The following KNL1 variants were observed in gnomAD, a reference collection of about 807,000 sequenced individuals.
KNL1 encodes the protein outer kinetochore KNL1 complex subunit KNL1.
KNL1 carries 66 observed loss-of-function variants against 201.3 expected under a neutral mutation model. The ratio of observed to expected loss-of-function variants is 0.33; its 90% CI spans 0.27 to 0.40. The LOEUF is 0.40. Ranked by LOEUF, KNL1 falls within the 10% of genes least tolerant of loss-of-function variation. KNL1 has a pLI of 1.00. For synonymous variants in KNL1, 895 were observed against 899.2 expected (o/e 1.00, Z 0.08); for missense variants, 2,815 against 2,690.5 (o/e 1.05, Z -1.02).
intron 1 of KNL1, among the ~76,000 whole-genome samples, chr15:40,602,223 C>T (rs1198947611): frequency 1.4e-5 from 2 of 147,170 alleles, no homozygotes; most frequent in Admixed American, 6.8e-5. Flanking sequence ...TTAGTAGAGA[C>T]GGGGTTTCAC....
At chr15:40,618,731 C>T (rs1892421731) in intron 8 of KNL1, among the ~76,000 whole-genome samples, 2 of 152,062 alleles carry the variant, frequency 1.3e-5, no homozygotes, top group African/African-American at 4.8e-5. Flanking sequence ...CTGATTTGAT[C>T]ATTACACAAT....
Position 40,621,576 on chromosome 15 carries a change from G to A in KNL1, c.1312G>A (p.Glu438Lys). ...VFYSSCNDAM[E>K]MTKCLSNMRE... ...CTATTCTAGTTGTAATGATGCCATG[G>A]AAATGACCAAATGTCTCTCAAATAT... Residue 438 changes from glutamate (E) to lysine (K), a missense_variant, in exon 10 of 26, where the codon GAA (glutamate) becomes AAA (lysine). By Grantham distance (56) the Glu-to-Lys change is moderately conservative. Transcript: ENST00000399668. The A allele has an allele frequency of 1.2e-6, 2 of 1,610,354 alleles. No homozygotes were observed. Among genetic ancestry groups the A allele is most frequent in the Non-Finnish European group, 1.7e-6 (2 of 1,178,210 alleles).
chr15:40,606,733 G>T (rs944436982), intron 4 of KNL1, among the ~76,000 whole-genome samples: 4 of 152,130 alleles, frequency 2.6e-5, no homozygotes, highest in African/African-American at 9.7e-5. Context: ...TGAGTAGCTG[G>T]GACTACGGCA....
In KNL1 at chr15:40,622,409, T is replaced by A. The variant is rs1892569433; in HGVS notation, c.2145T>A (p.Thr715=). The change falls in exon 10 of 26, where the codon ACT becomes ACA. Residue 715 remains threonine (T), a synonymous_variant. Transcript: ENST00000399668. ...SGQFSMKNHD[T]AISSHTVKSV... ...AGTTCTCTATGAAAAATCATGATACTGCTATAAGTAGTCATACAGTGAAAT... is the reference window on the plus strand; with the variant it reads ...AGTTCTCTATGAAAAATCATGATACAGCTATAAGTAGTCATACAGTGAAAT... The A allele has an allele frequency of 6.2e-7, 1 of 1,613,584 alleles. No homozygotes were observed. Among genetic ancestry groups the A allele is most frequent in the Non-Finnish European group, 8.5e-7 (1 of 1,179,714 alleles).
chr15:40,635,788 G>A (rs1183940855), intron 13 of KNL1, among the ~76,000 whole-genome samples: 2 of 152,212 alleles, frequency 1.3e-5, no homozygotes, highest in Non-Finnish European at 2.9e-5. Flanking sequence ...AGAGGCCCAT[G>A]ACCCCCTGCA....
chr15:40,607,444 A>T (rs1892012828), intron 4 of KNL1, among the ~76,000 whole-genome samples: 1 of 152,202 alleles, frequency 6.6e-6, no homozygotes, highest in Non-Finnish European at 1.5e-5. Context: ...CACTGCTTTG[A>T]TGCAGAGGGG....
intron 7 of KNL1, among the ~76,000 whole-genome samples, chr15:40,613,931 G>A (rs952088640): frequency 4.6e-5 from 7 of 151,804 alleles, no homozygotes; most frequent in African/African-American, 1.7e-4. Context: ...CCTAGTAGCT[G>A]GGACTACAGG....
intron 7 of KNL1, among the ~76,000 whole-genome samples, chr15:40,614,099 C>A (rs1892263957): frequency 7.8e-6 from 1 of 128,070 alleles, no homozygotes; most frequent in Non-Finnish European, 1.7e-5. Flanking sequence ...CGCCTGGCCC[C>A]CCTTTTTTTT....
intron 13 of KNL1, among the ~76,000 whole-genome samples, chr15:40,637,381 A>G (rs373205064): frequency 3.3e-5 from 3 of 89,932 alleles, no homozygotes; most frequent in East Asian, 2.8e-4. Context: ...TTTTTTTTTT[A>G]AGTTTACTTT....
In KNL1 at chr15:40,659,421, C is replaced by A. The variant is rs536166099; in HGVS notation, c.6796C>A (p.Pro2266Thr). 2 of 1,613,824 alleles carry A rather than the reference C, an allele frequency of 1.2e-6. No individual in the cohort carries two copies. Among genetic ancestry groups the A allele is most frequent in the South Asian group, 1.1e-5 (1 of 91,070 alleles). The part of the protein sequence containing the change: ...LFLSAYYPSV[P>T]LPSTIQNHVG... ...TCTCTCAGCCTATTATCCATCTGTA[C>A]CATTACCTTCCACCATTCAGAATCA... The change falls in exon 25 of 26, where the codon CCA (proline) becomes ACA (threonine). Residue 2266 changes from proline to threonine, a missense_variant. Physicochemically the swap from Pro to Thr is conservative, Grantham distance 38. This residue lies in a region of KNL1 where 334 missense variants were observed against 362.6 expected (regional missense o/e 0.92). Transcript: ENST00000399668.
intron 7 of KNL1, among the ~76,000 whole-genome samples, chr15:40,611,901 T>C (rs1892173971): frequency 1.3e-5 from 2 of 152,156 alleles, no homozygotes; most frequent in Admixed American, 6.6e-5. Context: ...TATTTTTGGC[T>C]GGACGTGGTG....
intron 22 of KNL1, 117 bp downstream of exon 22, chr15:40,655,094 T>G (rs1004936491): frequency 2.8e-6 from 2 of 705,630 alleles, no homozygotes; most frequent in Non-Finnish European, 4.8e-6. Context: ...GGTCAGGAGT[T>G]TGAGACCAGC....
rs1891860257 is a variant in KNL1 at position 40,603,065 on chromosome 15, A to G, written c.35+99A>G. The G allele has an allele frequency of 5.1e-5, 39 of 761,222 alleles. 1 individual carries two copies. The South Asian group carries it at 6.0e-4, about 12-fold the overall frequency. The allele number at this position is 761,222 out of a possible 1,614,324, so 47.2% of individuals were successfully genotyped here. On this transcript the variant is annotated intron_variant, in intron 2 of 25. Transcript: ENST00000399668. ...TCCATAACTTCTGAGATCTTTTTCC[A>G]TTGTGTTCCAAGAAAAAGTAGTAGT... is the stretch of plus-strand genomic sequence containing the variant.
At chr15:40,651,636 T>C (rs1362691905) in intron 20 of KNL1, 64 bp downstream of exon 20, 2 of 1,096,724 alleles carry the variant, frequency 1.8e-6, no homozygotes, top group East Asian at 2.4e-5. Flanking sequence ...TTTAAACCGA[T>C]TGGAGCAATT....
intron 13 of KNL1, 111 bp downstream of exon 13, chr15:40,629,482 T>G (rs1892845961): frequency 2.0e-6 from 1 of 507,708 alleles, no homozygotes; most frequent in Admixed American, 4.4e-5. Context: ...TTTTTTTTTT[T>G]TTTTTGCCTT....
rs764682555 is a variant in KNL1, at chr15:40,641,018, A to G, written c.5789A>G (p.Lys1930Arg). 8.7e-6 allele frequency: 14 copies of G among 1,601,432 alleles called. No homozygotes were observed. Among genetic ancestry groups the G allele is most frequent in the Admixed American group, 8.5e-5 (5 of 59,108 alleles). ...YREDCEARRQ[K>R]IEELKLSASN... ...GAAGATTGTGAGGCTCGTCGCCAAA[A>G]GATTGAAGAGTATGAAAGCTTTAAT... Residue 1930 changes from lysine to arginine, a missense_variant, in exon 14 of 26, where the codon AAG becomes AGG. Coordinates refer to ENST00000399668, the MANE Select transcript of KNL1 (RefSeq NM_144508.5).
chr15:40,598,579 C>G (rs1891687489), intron 1 of KNL1, among the ~76,000 whole-genome samples: 1 of 151,642 alleles, frequency 6.6e-6, no homozygotes, highest in African/African-American at 2.4e-5. Context: ...CCTGCCCCCT[C>G]CGGCCCCCCA....
rs527811849 is a variant in KNL1 at position 40,624,762 on chromosome 15, G to C, written c.4498G>C (p.Ala1500Pro). Reference protein sequence around the residue: ...PKILNSEEWFAAACKKELKEN... With the variant: ...PKILNSEEWFPAACKKELKEN... ...AATACTCAATAGTGAGGAATGGTTT[G>C]CTGCAGCCTGTAAAAAAGAACTGAA... The change falls in exon 10 of 26, where the codon GCT becomes CCT. Residue 1500 changes from alanine to proline, a missense_variant. By Grantham distance (27) the Ala-to-Pro change is conservative. Coordinates refer to ENST00000399668, the MANE Select transcript of KNL1 (RefSeq NM_144508.5). 146 of 1,613,798 alleles carry C rather than the reference G, an allele frequency of 9.0e-5. 4 individuals are homozygous for C. In the South Asian group the frequency reaches 1.5e-3, roughly 16 times the overall value.
chr15:40,596,555 T>C (rs4924484), intron 1 of KNL1, among the ~76,000 whole-genome samples: 119,311 of 151,770 alleles, frequency 0.79, 47,834 homozygotes, highest in Non-Finnish European at 0.85. Context: ...GGATTACAGG[T>C]GTGAGCCACT....
Sources: allele counts gnomAD v4.1 joint callset (sites outside exome capture counted in the v4.1 genomes callset), GRCh38; gene constraint gnomAD v4.1.1; regional missense constraint gnomAD v4.1.1; transcripts MANE v1.5; gene names NCBI Gene and HGNC (gene_info 2026-07-23, HGNC 2026-07-21).